Variants in KRT34 observed in about 807,000 individuals in gnomAD.
The protein encoded by KRT34 is keratin, type I cuticular Ha4.
Under a neutral mutation model 41.7 loss-of-function variants are expected in KRT34, and 31 were observed. The observed-to-expected ratio is 0.74, with a 90% CI of 0.56 to 1.00. The LOEUF (loss-of-function observed/expected upper bound fraction) is 1.00. Among genes scored for constraint, KRT34 ranks in the 50% least tolerant of loss-of-function variants. KRT34 has a pLI of 0.00. For missense variants in KRT34, 523 were observed against 500.3 expected, an observed-to-expected ratio of 1.05 and a Z score of -0.43; for synonymous variants, 224 against 212.9, an observed-to-expected ratio of 1.05 and a Z score of -0.45.
At chr17:41,381,601 A>G (rs1007314872) in intron 2 of KRT34, 112 bp downstream of exon 2, 3 of 943,372 alleles carry the variant, frequency 3.2e-6, no homozygotes, top group Non-Finnish European at 4.8e-6. Flanking sequence ...CTAATTTTAC[A>G]TAACCAGCCC....
In KRT34 at chr17:41,379,373, G is replaced by A; in HGVS notation, c.856C>T (p.Leu286=). ...CACACCAGGTTGTGCTGGGCCTGCAGCTCGATCTCCAGGGCGTTGACTGTG... is the reference window on the plus strand; with the variant it reads ...CACACCAGGTTGTGCTGGGCCTGCAACTCGATCTCCAGGGCGTTGACTGTG... ...RRTVNALEIE[L]QAQHNLRDSL... is the part of the protein sequence containing the mutation. The change falls in exon 5 of 7, where the codon CTG becomes TTG. Residue 286 remains leucine, a synonymous_variant. Transcript: ENST00000394001. The A allele has an allele frequency of 6.2e-7, 1 of 1,613,302 alleles. No individual in the cohort carries two copies. Among genetic ancestry groups the A allele is most frequent in the South Asian group, 1.1e-5 (1 of 91,034 alleles).
upstream of KRT34, chr17:41,382,452 C>T: frequency 8.4e-7 from 1 of 1,189,034 alleles, no homozygotes; most frequent in East Asian, 2.4e-5. Context: ...CCCCTCAACC[C>T]ATAAAATTAT....
intron 2 of KRT34, 125 bp from the exon 3 acceptor site, chr17:41,381,337 T>G (rs1040736550): frequency 9.7e-7 from 1 of 1,027,502 alleles, no homozygotes; most frequent in African/African-American, 1.6e-5. Context: ...CTCTTCCATA[T>G]GCTTCAGTCA....
rs201394975 is a variant in KRT34, at chr17:41,378,925, T to C, written c.1097+31A>G. The C allele has an allele frequency of 2.9e-5, 47 of 1,613,552 alleles. No individual in the cohort carries two copies. In the African/African-American group the frequency reaches 6.0e-4, roughly 21 times the overall value. On this transcript the variant is annotated intron_variant, in intron 6 of 6. Coordinates refer to ENST00000394001, the MANE Select transcript of KRT34 (RefSeq NM_001386014.1). Reference sequence around the variant, plus strand: ...GCCTACAATATCCCACTGTACACATTCTTCCCAGACATTATTTGCCCCATA... The same window carrying C: ...GCCTACAATATCCCACTGTACACATCCTTCCCAGACATTATTTGCCCCATA...
At position 41,379,019 on chromosome 17, in the gene KRT34, A is replaced by T; in HGVS notation, c.1034T>A (p.Val345Glu). The change falls in exon 6 of 7, where the codon GTG becomes GAG. Residue 345 changes from valine (V) to glutamate (E), a missense_variant. Coordinates refer to ENST00000394001, the MANE Select transcript of KRT34 (RefSeq NM_001386014.1). ...GATCTCACACTCCAGCCGGGCACGC[A>T]CGTCCAGCAGCACCTGGTACTCCTG... ...QNQEYQVLLD[V>E]RARLECEINT... The T allele has an allele frequency of 6.2e-7, 1 of 1,614,144 alleles. No individual in the cohort carries two copies. The highest frequency in any genetic ancestry group is 8.5e-7 in the Non-Finnish European group (1 of 1,180,018).
chr17:41,383,052 C>T (rs1001076589), upstream of KRT34, among the ~76,000 whole-genome samples: 1 of 151,242 alleles, frequency 6.6e-6, no homozygotes, highest in Non-Finnish European at 1.5e-5. Flanking sequence ...CAGAGTCTCA[C>T]TCTGTCGCCC....
In KRT34 at chr17:41,378,972, C is replaced by T. The variant is rs1453051404; in HGVS notation, c.1081G>A (p.Glu361Lys). Reference sequence around the variant, plus strand: ...CATACTCACTTGCAGTCCTCACTCTCCAGGAGGCTCCGGTACGTGTTGATC... The same window carrying T: ...CATACTCACTTGCAGTCCTCACTCTTCAGGAGGCTCCGGTACGTGTTGATC... ...CEINTYRSLL[E>K]SEDCKLPCNP... The change falls in exon 6 of 7, where the codon GAG becomes AAG. Residue 361 changes from glutamate (E) to lysine (K), a missense_variant. Glu to Lys is a moderately conservative substitution (Grantham distance 56). Coordinates refer to ENST00000394001, the MANE Select transcript of KRT34 (RefSeq NM_001386014.1). 1 of 1,614,210 alleles carries T rather than the reference C, an allele frequency of 6.2e-7. No individual in the cohort carries two copies. The highest frequency in any genetic ancestry group is 8.5e-7 in the Non-Finnish European group (1 of 1,180,032).
At chr17:41,380,252 C>T (rs1463959807) in intron 3 of KRT34, among the ~76,000 whole-genome samples, 2 of 140,790 alleles carry the variant, frequency 1.4e-5, no homozygotes, top group Admixed American at 1.4e-4. Flanking sequence ...AGCATGACTC[C>T]GTCAAAAAAA....
chr17:41,378,448 C>T (rs2017887212), intron 6 of KRT34, among the ~76,000 whole-genome samples: 1 of 152,106 alleles, frequency 6.6e-6, no homozygotes, highest in East Asian at 1.9e-4. Flanking sequence ...CGTCACCATG[C>T]CTGGCTAATT....
In KRT34 at chr17:41,381,208, G is replaced by C. The variant is rs759940586; in HGVS notation, c.436C>G (p.Gln146Glu). 6.2e-7 allele frequency: 1 copy of C among 1,613,684 alleles called. No homozygotes were observed. Among genetic ancestry groups the C allele is most frequent in the South Asian group, 1.1e-5 (1 of 90,996 alleles). Residue 146 changes from glutamine (Q) to glutamate (E), a missense_variant, in exon 3 of 7, where the codon CAG becomes GAG. Transcript: ENST00000394001. ...LASDDFRSKY[Q>E]TEQSLRLLVE... is the part of the protein sequence containing the mutation. The stretch of plus-strand genomic sequence containing the variant: ...AACAGCCTCAGGGACTGCTCCGTCT[G>C]GTACCTGCACGTGTCGGAGTGGGAG...
rs1313753020 is a variant in KRT34 at position 41,381,948 on chromosome 17, C to T, written c.299G>A (p.Cys100Tyr). 2 of 1,614,270 alleles carry T rather than the reference C, an allele frequency of 1.2e-6. No homozygotes were observed. The highest frequency in any genetic ancestry group is 2.2e-5 in the East Asian group (1 of 44,890). The change falls in exon 1 of 7, where the codon TGC (cysteine) becomes TAC (tyrosine). Residue 100 changes from cysteine (C) to tyrosine (Y), a missense_variant. Physicochemically the swap from Cys to Tyr is radical, Grantham distance 194 (BLOSUM62 -2). Coordinates refer to ENST00000394001, the MANE Select transcript of KRT34 (RefSeq NM_001386014.1). ...ERSQQQEPLLCPSYQSYFKTI... is the reference protein window; with the variant it reads ...ERSQQQEPLLYPSYQSYFKTI... Reference sequence around the variant, plus strand: ...CTTGAAGTAGGACTGGTAGCTGGGGCACAGCAAGGGCTCCTGCTGCTGGGA... The same window carrying T: ...CTTGAAGTAGGACTGGTAGCTGGGGTACAGCAAGGGCTCCTGCTGCTGGGA...
chr17:41,382,667 C>T (rs1158103929), upstream of KRT34, among the ~76,000 whole-genome samples: 1 of 152,214 alleles, frequency 6.6e-6, no homozygotes, highest in Non-Finnish European at 1.5e-5. Flanking sequence ...CGCCACTGTT[C>T]TTTCTCCCCA....
rs765788436 is a variant in KRT34 at position 41,381,155 on chromosome 17, G to T, written c.489C>A (p.Arg163=). The T allele has an allele frequency of 6.2e-7, 1 of 1,614,158 alleles. No homozygotes were observed. Among genetic ancestry groups the T allele is most frequent in the South Asian group, 1.1e-5 (1 of 91,082 alleles). ...LLVESDINSI[R]RILDELTLCK... is the part of the protein sequence containing the mutation. The stretch of plus-strand genomic sequence containing the variant: ...AGAGGGTCAGCTCATCCAGGATCCT[G>T]CGTATGCTGTTGATGTCCGACTCCA... The change falls in exon 3 of 7, where the codon CGC becomes CGA. Residue 163 remains arginine, a synonymous_variant. Coordinates refer to ENST00000394001, the MANE Select transcript of KRT34 (RefSeq NM_001386014.1).
chr17:41,377,949 G>A lies in KRT34; in HGVS notation c.*110C>T. 2 of 742,428 alleles carry A rather than the reference G, an allele frequency of 2.7e-6. No homozygotes were observed. Among genetic ancestry groups the A allele is most frequent in the Admixed American group, 2.3e-5 (1 of 44,436 alleles). 46.0% of individuals were successfully genotyped at this position (742,428 alleles called of 1,614,324 possible). On this transcript the variant is annotated 3_prime_UTR_variant, in exon 7 of 7. Transcript: ENST00000394001. ...CATTCTAGAAATAACATAGAGGCAA[G>A]ATGAGGTTTCTTGATGTCAGCTGAG...
In KRT34 at chr17:41,379,399, C is replaced by A. The variant is rs747926044; in HGVS notation, c.830G>T (p.Arg277Leu). 1.2e-6 allele frequency: 2 copies of A among 1,613,640 alleles called. No homozygotes were observed. Among genetic ancestry groups the A allele is most frequent in the Admixed American group, 1.7e-5 (1 of 60,026 alleles). Residue 277 changes from arginine to leucine, a missense_variant, in exon 5 of 7, where the codon CGC (arginine) becomes CTC (leucine). By Grantham distance (102) the Arg-to-Leu change is moderately radical. Coordinates refer to ENST00000394001, the MANE Select transcript of KRT34 (RefSeq NM_001386014.1). ...CTCGATCTCCAGGGCGTTGACTGTGCGTCTCAGCTCGATGATCTCCGCCTG... is the reference window on the plus strand; with the variant it reads ...CTCGATCTCCAGGGCGTTGACTGTGAGTCTCAGCTCGATGATCTCCGCCTG... ...SCQAEIIELR[R>L]TVNALEIELQ...
Position 41,377,771 on chromosome 17 carries a change from T to C in KRT34, c.*288A>G, listed in dbSNP as rs1050304534. The C allele has an allele frequency of 7.5e-6, 3 of 399,936 alleles. No homozygotes were observed. The highest frequency in any genetic ancestry group is 1.4e-5 in the Non-Finnish European group (3 of 222,104). 24.8% of individuals were successfully genotyped at this position (399,936 alleles called of 1,614,324 possible). ...GGAAAACAGGAAATGCAGTAGTACG[T>C]TCAGGAAACACCTTAAGTAGTAACT... On this transcript the variant is annotated 3_prime_UTR_variant, in exon 7 of 7. Transcript: ENST00000394001.
chr17:41,382,439 TC>T, upstream of KRT34: 3 of 1,306,390 alleles, frequency 2.3e-6, no homozygotes, highest in South Asian at 1.3e-5. Context: ...TTCTAAAGAG[TC>T]CCCCCTCAAC....
At position 41,379,376 on chromosome 17, in the gene KRT34, C is replaced by G. The variant is rs762259485; in HGVS notation, c.853G>C (p.Glu285Gln). 3.1e-6 allele frequency: 5 copies of G among 1,613,278 alleles called. No individual in the cohort carries two copies. The highest frequency in any genetic ancestry group is 1.1e-5 in the South Asian group (1 of 91,036). ...ACCAGGTTGTGCTGGGCCTGCAGCT[C>G]GATCTCCAGGGCGTTGACTGTGCGT... The part of the protein sequence containing the change: ...LRRTVNALEI[E>Q]LQAQHNLRDS... The change falls in exon 5 of 7, where the codon GAG becomes CAG. Residue 285 changes from glutamate to glutamine, a missense_variant. By Grantham distance (29) the Glu-to-Gln change is conservative. Transcript: ENST00000394001.
chr17:41,380,166 A>G (rs192867906), intron 3 of KRT34, among the ~76,000 whole-genome samples: 1 of 152,084 alleles, frequency 6.6e-6, no homozygotes, highest in African/African-American at 2.4e-5. Context: ...GGCTGAGGCA[A>G]GTGAATCACT....
Sources: gnomAD v4.1 joint callset for allele counts (sites outside exome capture counted in the v4.1 genomes callset) on GRCh38, gnomAD v4.1.1 for gene constraint, MANE v1.5 for transcripts, NCBI Gene and HGNC (gene_info 2026-07-23, HGNC 2026-07-21) for gene names.